PTPN13: variants seen among roughly 807,000 people sequenced by gnomAD.
PTPN13 encodes tyrosine-protein phosphatase non-receptor type 13.
Under a neutral mutation model 284.0 loss-of-function variants are expected in PTPN13, and 191 were observed. That is an observed-to-expected ratio of 0.67 (90% CI 0.60 to 0.76). The LOEUF (loss-of-function observed/expected upper bound fraction) is 0.76, where lower values mean the gene tolerates loss of function less well. Among genes scored for constraint, PTPN13 ranks in the 30% least tolerant of loss-of-function variants. The pLI, the probability that PTPN13 is intolerant of heterozygous loss-of-function variation, is 0.00. For missense variants in PTPN13, 2,797 were observed against 2,939.9 expected, an observed-to-expected ratio of 0.95 and a Z score of 1.12; for synonymous variants, 986 against 1,022.3, an observed-to-expected ratio of 0.96 and a Z score of 0.68.
intron 1 of PTPN13, among the ~76,000 whole-genome samples, chr4:86,616,331 G>A (rs1300931005): frequency 2.0e-5 from 3 of 152,146 alleles, no homozygotes; most frequent in Non-Finnish European, 2.9e-5. Context: ...TTTAGATTGA[G>A]GTGGTCAAGG....
chr4:86,644,131 A>T (rs964383983), intron 2 of PTPN13, among the ~76,000 whole-genome samples: 1 of 146,074 alleles, frequency 6.8e-6, no homozygotes, highest in Non-Finnish European at 1.5e-5. Flanking sequence ...AAGATGATTG[A>T]TTTTTTTTTT....
chr4:86,637,404 G>C (rs1317817920), intron 2 of PTPN13, among the ~76,000 whole-genome samples: 1 of 151,852 alleles, frequency 6.6e-6, no homozygotes, highest in African/African-American at 2.4e-5. Context: ...CAATATCCTT[G>C]ATGAACATTG....
At chr4:86,788,160 C>G (rs12502333) in intron 40 of PTPN13, among the ~76,000 whole-genome samples, 1 of 152,108 alleles carries the variant, frequency 6.6e-6, no homozygotes, top group African/African-American at 2.4e-5. Flanking sequence ...GTATCTAATT[C>G]TAGGAACACG....
At chr4:86,688,320 T>C (rs565211200) in intron 4 of PTPN13, among the ~76,000 whole-genome samples, 1 of 152,292 alleles carries the variant, frequency 6.6e-6, no homozygotes, top group South Asian at 2.1e-4. Context: ...AATTCTTGTA[T>C]TGTTAGTATT....
chr4:86,644,055 A>C (rs748424017), intron 2 of PTPN13, among the ~76,000 whole-genome samples: 2 of 152,178 alleles, frequency 1.3e-5, no homozygotes, highest in Non-Finnish European at 2.9e-5. Flanking sequence ...TGAAATGGAC[A>C]TCTTAAAAGA....
At chr4:86,738,637 A>G (rs1735796358) in intron 15 of PTPN13, among the ~76,000 whole-genome samples, 1 of 152,104 alleles carries the variant, frequency 6.6e-6, no homozygotes, top group South Asian at 2.1e-4. Flanking sequence ...TGTGGGTTTT[A>G]CATATATTTA....
chr4:86,766,306 C>G (rs768138654), intron 26 of PTPN13, 126 bp from the exon 27 acceptor site: 1 of 668,840 alleles, frequency 1.5e-6, no homozygotes, highest in Non-Finnish European at 2.6e-6. Context: ...TAAAGAAACT[C>G]TGTAACACAA....
chr4:86,719,200 G>C (rs1733371952), intron 9 of PTPN13, among the ~76,000 whole-genome samples: 1 of 152,052 alleles, frequency 6.6e-6, no homozygotes, highest in Admixed American at 6.6e-5. Context: ...TTATCATTTA[G>C]CTCCCACTTA....
intron 26 of PTPN13, 110 bp downstream of exon 26, chr4:86,765,598 A>T: frequency 1.4e-6 from 1 of 703,086 alleles, no homozygotes; most frequent in South Asian, 2.6e-5. Flanking sequence ...AAATAAGAAC[A>T]TACTCAATTA....
intron 17 of PTPN13, among the ~76,000 whole-genome samples, chr4:86,746,196 A>T (rs960956576): frequency 6.6e-6 from 1 of 152,236 alleles, no homozygotes; most frequent in Admixed American, 6.5e-5. Context: ...TGGAAAAAAT[A>T]TCTCAATCAG....
chr4:86,741,531 G>A (rs1321833320), intron 15 of PTPN13, 103 bp from the exon 16 acceptor site: 1 of 1,005,090 alleles, frequency 9.9e-7, no homozygotes, highest in African/African-American at 1.6e-5. Flanking sequence ...AATTCAAGAT[G>A]AGATTTGTGG....
chr4:86,649,533 C>CT (rs1298855657), intron 2 of PTPN13, among the ~76,000 whole-genome samples: 1 of 152,150 alleles, frequency 6.6e-6, no homozygotes, highest in Non-Finnish European at 1.5e-5. Flanking sequence ...ACTGAGTTCA[C>CT]TGTGAATGTA....
intron 3 of PTPN13, among the ~76,000 whole-genome samples, chr4:86,677,819 A>G (rs1728465621): frequency 6.6e-6 from 1 of 152,208 alleles, no homozygotes; most frequent in Non-Finnish European, 1.5e-5. Flanking sequence ...CTCTAGTCAG[A>G]TAACACATTT....
At chr4:86,785,403 G>T in intron 39 of PTPN13, 35 bp downstream of exon 39, 1 of 1,571,158 alleles carries the variant, frequency 6.4e-7, no homozygotes, top group South Asian at 1.2e-5. Flanking sequence ...GGTATACTAT[G>T]GAGTACAAAA....
Position 86,694,015 on chromosome 4 carries a change from T to TTTATGAACATG in PTPN13, c.634+351_634+352insGTTATGAACAT, listed in dbSNP as rs1199711014. 4.6e-5 allele frequency among the ~76,000 whole-genome samples: 7 copies of TTTATGAACATG among 152,120 alleles called. No homozygotes were observed. In the East Asian group the frequency reaches 1.4e-3, roughly 29 times the overall value. ...ATGACTAAATAAACACATGTATATG[T>TTTATGAACATG]TTATGAACATAAACACTACTGAAAC... On this transcript the variant is annotated intron_variant, in intron 6 of 47. Coordinates refer to ENST00000411767, the MANE Select transcript of PTPN13 (RefSeq NM_080683.3).
At chr4:86,632,708 T>C (rs1484639728) in intron 1 of PTPN13, among the ~76,000 whole-genome samples, 1 of 151,992 alleles carries the variant, frequency 6.6e-6, no homozygotes, top group East Asian at 1.9e-4. Flanking sequence ...TCTTCCTTTT[T>C]CTTGGTGGTG....
At chr4:86,696,340 G>A (rs1730593607) in intron 6 of PTPN13, among the ~76,000 whole-genome samples, 1 of 151,856 alleles carries the variant, frequency 6.6e-6, no homozygotes, top group Non-Finnish European at 1.5e-5. Flanking sequence ...ATTTTGAAGT[G>A]TAATATATTT....
chr4:86,753,956 A>G (rs1055353306), intron 20 of PTPN13, among the ~76,000 whole-genome samples: 1 of 152,072 alleles, frequency 6.6e-6, no homozygotes, highest in African/African-American at 2.4e-5. Context: ...TAGCCAGGGT[A>G]AAACAGAAGG....
intron 12 of PTPN13, 101 bp from the exon 13 acceptor site, chr4:86,734,202 T>TA (rs1735246371): frequency 1.1e-6 from 1 of 921,776 alleles, no homozygotes; most frequent in Non-Finnish European, 1.6e-6. Flanking sequence ...TATTCTCATA[T>TA]GATACTCTTT....
Sources: allele counts gnomAD v4.1 joint callset (sites outside exome capture counted in the v4.1 genomes callset), GRCh38; gene constraint gnomAD v4.1.1; transcripts MANE v1.5; gene names NCBI Gene and HGNC (gene_info 2026-07-23, HGNC 2026-07-21).